Variants in CTNND2 observed in about 807,000 individuals in gnomAD.
The protein encoded by CTNND2 is catenin delta-2.
CTNND2 carries 22 observed loss-of-function variants against 144.4 expected under a neutral mutation model. That is an observed-to-expected ratio of 0.15 (90% CI 0.11 to 0.22). The LOEUF is 0.22. CTNND2 is among the 10% of genes least tolerant of loss of function. The pLI, the probability that CTNND2 is intolerant of heterozygous loss-of-function variation, is 1.00. For synonymous variants in CTNND2, 751 were observed against 695.6 expected (o/e 1.08, Z -1.25); for missense variants, 1,353 against 1,618.8 (o/e 0.84, Z 2.82).
At chr5:11,715,048 C>A (rs745875542) in intron 2 of CTNND2, among the ~76,000 whole-genome samples, 50 of 151,886 alleles carry the variant, frequency 3.3e-4, no homozygotes, top group Admixed American at 8.5e-4. Context: ...AAATAAAATA[C>A]CTTAAGATTT....
intron 1 of CTNND2, among the ~76,000 whole-genome samples, chr5:11,891,594 C>G (rs900592747): frequency 2.0e-5 from 3 of 151,766 alleles, no homozygotes; most frequent in African/African-American, 7.3e-5. Flanking sequence ...GGATCAGCAG[C>G]TTTCTAAGAA....
At chr5:11,449,469 C>A (rs1045974256) in intron 3 of CTNND2, among the ~76,000 whole-genome samples, 4 of 152,148 alleles carry the variant, frequency 2.6e-5, no homozygotes, top group African/African-American at 7.2e-5. Flanking sequence ...CATCAAGACG[C>A]TAGTTGTCTC....
intron 10 of CTNND2, among the ~76,000 whole-genome samples, chr5:11,232,123 A>C (rs1184948404): frequency 6.6e-6 from 1 of 152,248 alleles, no homozygotes; most frequent in East Asian, 1.9e-4. Context: ...AACACCCTGA[A>C]TGTCCAGGCA....
chr5:10,994,456 C>G (rs1212313806), intron 18 of CTNND2, among the ~76,000 whole-genome samples: 12 of 16,368 alleles, frequency 7.3e-4, no homozygotes, highest in Non-Finnish European at 1.0e-3. Context: ...GAGCGGGGGC[C>G]GGGAAGGAGG....
rs1312871620 is a variant in CTNND2 at position 10,992,642 on chromosome 5, A to G, written c.3120T>C (p.Ser1040=). 6.2e-7 allele frequency: 1 copy of G among 1,614,168 alleles called. No individual in the cohort carries two copies. The highest frequency in any genetic ancestry group is 1.7e-5 in the Admixed American group (1 of 60,026). Residue 1040 remains serine (S), a synonymous_variant, in exon 19 of 22, where the codon TCT becomes TCC. Coordinates refer to ENST00000304623, the MANE Select transcript of CTNND2 (RefSeq NM_001332.4). ...GWSQYHFVAS[S]STIERDRQRP... ...TTTGCCGGTCCCTCTCGATGGTTGA[A>G]GACGAGGCTACAAAGTGGTATTGTG...
chr5:11,655,482 C>T (rs1420472725), intron 2 of CTNND2, among the ~76,000 whole-genome samples: 1 of 151,892 alleles, frequency 6.6e-6, no homozygotes, highest in African/African-American at 2.4e-5. Flanking sequence ...AATTGGCATT[C>T]GTAAAGTAAA....
In CTNND2 at chr5:10,987,554, G is replaced by A. The variant is rs544959864; in HGVS notation, c.3343+557C>T. Among the ~76,000 whole-genome samples the A allele has an allele frequency of 7.2e-5, 11 of 152,260 alleles. No homozygotes were observed. In the East Asian group the frequency reaches 2.1e-3, roughly 29 times the overall value. On this transcript the variant is annotated intron_variant, in intron 20 of 21. Transcript: ENST00000304623. The stretch of plus-strand genomic sequence containing the variant: ...CTTCTTTGGGATATGTCACGTAAGA[G>A]GTTGTATCATGGCAAGAGGGGAAAA...
intron 9 of CTNND2, among the ~76,000 whole-genome samples, chr5:11,274,164 A>T (rs1349440166): frequency 1.3e-5 from 2 of 152,210 alleles, no homozygotes; most frequent in Non-Finnish European, 2.9e-5. Flanking sequence ...GGGCTGAGCC[A>T]AGGTACTTTC....
intron 8 of CTNND2, among the ~76,000 whole-genome samples, chr5:11,364,350 C>T (rs1350452900): frequency 2.0e-5 from 3 of 152,238 alleles, no homozygotes; most frequent in Non-Finnish European, 4.4e-5. Flanking sequence ...AAGCATACGT[C>T]TTTCACGTCC....
At chr5:11,487,762 AT>A (rs548011836) in intron 3 of CTNND2, among the ~76,000 whole-genome samples, 2 of 152,166 alleles carry the variant, frequency 1.3e-5, no homozygotes, top group African/African-American at 4.8e-5. Context: ...AAATACTATA[AT>A]GTGTTACTTT....
At chr5:11,860,905 T>C (rs935462985) in intron 1 of CTNND2, among the ~76,000 whole-genome samples, 10 of 152,216 alleles carry the variant, frequency 6.6e-5, no homozygotes, top group Non-Finnish European at 1.2e-4. Context: ...CAGTAGAGGT[T>C]TTCTCTCAAT....
intron 2 of CTNND2, among the ~76,000 whole-genome samples, chr5:11,603,987 C>T (rs1779932131): frequency 6.6e-6 from 1 of 152,198 alleles, no homozygotes; most frequent in African/African-American, 2.4e-5. Context: ...CATTGCCTTA[C>T]AGATTGAATT....
chr5:11,793,718 A>C (rs930696726), intron 1 of CTNND2, among the ~76,000 whole-genome samples: 1 of 152,110 alleles, frequency 6.6e-6, no homozygotes, highest in African/African-American at 2.4e-5. Flanking sequence ...TGACCTCCAG[A>C]ACTGAAGGTA....
intron 2 of CTNND2, among the ~76,000 whole-genome samples, chr5:11,594,008 G>A (rs1779384354): frequency 6.6e-6 from 1 of 152,170 alleles, no homozygotes; most frequent in African/African-American, 2.4e-5. Context: ...TGACAGTTGT[G>A]AATTTCTTCT....
chr5:11,343,851 A>T (rs1337336868), intron 9 of CTNND2, among the ~76,000 whole-genome samples: 1 of 152,238 alleles, frequency 6.6e-6, no homozygotes, highest in African/African-American at 2.4e-5. Flanking sequence ...GGTGTTTGGC[A>T]GTAAATAAAA....
At chr5:11,213,866 A>G (rs1315783636) in intron 10 of CTNND2, among the ~76,000 whole-genome samples, 5 of 152,222 alleles carry the variant, frequency 3.3e-5, no homozygotes, top group African/African-American at 1.2e-4. Context: ...CAATGTAAAC[A>G]TATATGTCCA....
chr5:11,762,326 G>C (rs961165920), intron 1 of CTNND2, among the ~76,000 whole-genome samples: 1 of 152,120 alleles, frequency 6.6e-6, no homozygotes, highest in Non-Finnish European at 1.5e-5. Context: ...GTCATACCCT[G>C]AGTCTTTAAT....
At chr5:11,895,903 A>G (rs913642576) in intron 1 of CTNND2, among the ~76,000 whole-genome samples, 3 of 152,202 alleles carry the variant, frequency 2.0e-5, no homozygotes, top group African/African-American at 4.8e-5. Context: ...GAAAAACACA[A>G]TATTTCTCCT....
intron 1 of CTNND2, among the ~76,000 whole-genome samples, chr5:11,820,139 G>T (rs1413718938): frequency 6.6e-6 from 1 of 152,164 alleles, no homozygotes; most frequent in East Asian, 1.9e-4. Context: ...GATGGACTCA[G>T]ATACGAAACC....
Sources: gnomAD v4.1 joint callset for allele counts (sites outside exome capture counted in the v4.1 genomes callset) on GRCh38, gnomAD v4.1.1 for gene constraint, MANE v1.5 for transcripts, NCBI Gene and HGNC (gene_info 2026-07-23, HGNC 2026-07-21) for gene names.